The following PTK2 variants were observed in gnomAD, a reference collection of about 807,000 sequenced individuals.
PTK2 encodes focal adhesion kinase 1.
Under a neutral mutation model 150.1 loss-of-function variants are expected in PTK2, and 45 were observed. The observed-to-expected ratio is 0.30, with a 90% CI of 0.24 to 0.38. The LOEUF (loss-of-function observed/expected upper bound fraction) is 0.38, where lower values mean the gene tolerates loss of function less well. Among genes scored for constraint, PTK2 ranks in the 10% least tolerant of loss-of-function variants. The pLI, the probability that PTK2 is intolerant of heterozygous loss-of-function variation, is 1.00. For missense variants in PTK2, 919 were observed against 1,307.3 expected (o/e 0.70, Z 4.58); for synonymous variants, 432 against 449.2 (o/e 0.96, Z 0.48).
chr8:140,964,482 A>G (rs920281489), intron 1 of PTK2, among the ~76,000 whole-genome samples: 2 of 148,822 alleles, frequency 1.3e-5, no homozygotes, highest in East Asian at 2.0e-4. Flanking sequence ...GGCTCATGCG[A>G]TTCTCCTACA....
intron 23 of PTK2, among the ~76,000 whole-genome samples, chr8:140,709,065 T>A (rs1021083847): frequency 1.3e-5 from 2 of 152,164 alleles, no homozygotes; most frequent in Admixed American, 1.3e-4. Flanking sequence ...CACATTGCTA[T>A]GAAGCAATAT....
intron 2 of PTK2, among the ~76,000 whole-genome samples, chr8:140,902,024 A>AT (rs1275650477): frequency 7.7e-6 from 1 of 129,460 alleles, no homozygotes; most frequent in African/African-American, 2.9e-5. Flanking sequence ...TCCATGGTGT[A>AT]TATGTGCCAC....
At chr8:140,860,972 G>C (rs2100135731) in intron 5 of PTK2, among the ~76,000 whole-genome samples, 1 of 152,174 alleles carries the variant, frequency 6.6e-6, no homozygotes. Flanking sequence ...ATTACAAAAG[G>C]ATACACAAAA....
At chr8:140,735,336 G>A in exon 22 of PTK2, 6 of 1,614,134 alleles carry the variant, frequency 3.7e-6, no homozygotes, top group Non-Finnish European at 5.1e-6. Flanking sequence ...TAGAGGGTAG[G>A]AGGACAATTT....
chr8:140,796,837 C>G (rs1399350379), intron 12 of PTK2, among the ~76,000 whole-genome samples: 2 of 152,144 alleles, frequency 1.3e-5, no homozygotes, highest in Non-Finnish European at 2.9e-5. Flanking sequence ...ACTTACCAGA[C>G]TTTTTAATGC....
intron 1 of PTK2, among the ~76,000 whole-genome samples, chr8:140,989,763 C>T (rs1363759752): frequency 6.6e-6 from 1 of 151,654 alleles, no homozygotes; most frequent in African/African-American, 2.4e-5. Flanking sequence ...ACAAAATTAG[C>T]CGGGTGTGAT....
intron 2 of PTK2, chr8:140,892,484 C>T (rs940475593): frequency 6.9e-6 from 2 of 290,868 alleles, no homozygotes; most frequent in Admixed American, 5.3e-5. Flanking sequence ...TACAGTGAGC[C>T]GAGATCGTGC....
chr8:140,837,561 G>A (rs1035181606), intron 7 of PTK2, among the ~76,000 whole-genome samples: 3 of 148,424 alleles, frequency 2.0e-5, no homozygotes, highest in East Asian at 2.0e-4. Context: ...AAACCCCATC[G>A]CTACTAAAAA....
intron 27 of PTK2, among the ~76,000 whole-genome samples, chr8:140,676,415 T>TTA (rs1485858882): frequency 1.3e-5 from 2 of 149,340 alleles, no homozygotes; most frequent in Non-Finnish European, 1.5e-5. Flanking sequence ...AATTAATTAA[T>TTA]ATATATATTC....
rs923170391 is a variant in PTK2, at chr8:140,697,868, T to G, written c.2499+3023A>C. Among the ~76,000 whole-genome samples the G allele has an allele frequency of 1.4e-3, 200 of 138,734 alleles. 5 individuals carry two copies. Among genetic ancestry groups the G allele is most frequent in the African/African-American group, 5.1e-3 (188 of 37,078 alleles). 91.0% of individuals were successfully genotyped at this position (138,734 alleles called of 152,430 possible). A position where few individuals can be genotyped will look rare whatever the true frequency, so the allele number is the denominator to read the frequency against. On this transcript the variant is annotated intron_variant, in intron 26 of 31. Transcript: ENST00000522684. ...GGGTTTACTGTTTTTTTTTTTTTTT[T>G]TTTTTTTTTTTTTGCCACAGGGTCT... is the stretch of plus-strand genomic sequence containing the variant.
At chr8:140,848,499 C>T (rs2100127061) in intron 5 of PTK2, among the ~76,000 whole-genome samples, 1 of 152,110 alleles carries the variant, frequency 6.6e-6, no homozygotes, top group Non-Finnish European at 1.5e-5. Context: ...AGGGTGGGTA[C>T]ATAAATGTTA....
chr8:140,813,820 GGA>G (rs1310774337), intron 10 of PTK2, among the ~76,000 whole-genome samples: 9 of 108,222 alleles, frequency 8.3e-5, no homozygotes, highest in African/African-American at 4.5e-4. Context: ...ATGAATTGAA[GGA>G]GAGTGAGATG....
At chr8:140,667,830 G>A (rs772718136) in intron 30 of PTK2, among the ~76,000 whole-genome samples, 1 of 152,164 alleles carries the variant, frequency 6.6e-6, no homozygotes, top group African/African-American at 2.4e-5. Flanking sequence ...ACAGGTGCGG[G>A]ATCTGAATTT....
At position 140,846,744 on chromosome 8, in the gene PTK2, A is replaced by G. The variant is rs577423458; in HGVS notation, c.451-66T>C. Reference sequence around the variant, plus strand: ...GAAAAATATTAGATATATGCATTCAATAAATGTTTCCTGAGTACCTTTCAT... The same window carrying G: ...GAAAAATATTAGATATATGCATTCAGTAAATGTTTCCTGAGTACCTTTCAT... On this transcript the variant is annotated intron_variant, in intron 5 of 31. Coordinates refer to ENST00000522684, the Ensembl canonical transcript of PTK2. 5.8e-3 allele frequency: 6,680 copies of G among 1,144,080 alleles called. 54 individuals carry two copies. The highest frequency in any genetic ancestry group is 0.025 in the South Asian group (1,824 of 72,188). The allele number at this position is 1,144,080 out of a possible 1,614,324, so 70.9% of individuals were successfully genotyped here.
chr8:140,778,908 A>G lies in PTK2; in HGVS notation c.1177+10566T>C, dbSNP rs553743884. Among the ~76,000 whole-genome samples, 4 of 152,220 alleles carry G rather than the reference A, an allele frequency of 2.6e-5. No homozygotes were observed. The East Asian group carries it at 7.7e-4, about 29-fold the overall frequency. On this transcript the variant is annotated intron_variant, in intron 14 of 31. Coordinates refer to ENST00000522684, the Ensembl canonical transcript of PTK2. ...TTATAGGAGAGTTATAGTTGTAGAT[A>G]AAGTGTAGGTCTCACAGGAAAGAGA...
chr8:140,850,005 C>T (rs1334797135), intron 5 of PTK2, among the ~76,000 whole-genome samples: 2 of 152,138 alleles, frequency 1.3e-5, no homozygotes, highest in African/African-American at 2.4e-5. Context: ...GATTCATATG[C>T]ATCTCCTGAG....
chr8:140,831,882 A>G (rs1436960691), intron 7 of PTK2, among the ~76,000 whole-genome samples: 2 of 152,292 alleles, frequency 1.3e-5, no homozygotes, highest in Middle Eastern at 3.4e-3. Context: ...GCCTCCTAAA[A>G]ACACAGGGTC....
chr8:140,687,543 G>A (rs188310512), intron 26 of PTK2, among the ~76,000 whole-genome samples: 205 of 152,230 alleles, frequency 1.3e-3, no homozygotes, highest in African/African-American at 4.6e-3. Flanking sequence ...TGTCTGATTC[G>A]TCTGTGTATC....
chr8:140,709,013 C>T (rs2100035348), intron 23 of PTK2, among the ~76,000 whole-genome samples: 1 of 150,930 alleles, frequency 6.6e-6, no homozygotes, highest in African/African-American at 2.4e-5. Context: ...TCTGTGTGTA[C>T]TGAACTACCT....
Sources: allele counts gnomAD v4.1 joint callset (sites outside exome capture counted in the v4.1 genomes callset), GRCh38; gene constraint gnomAD v4.1.1; transcripts MANE v1.5; gene names NCBI Gene and HGNC (gene_info 2026-07-23, HGNC 2026-07-21).